PYGM: variants seen among roughly 807,000 people sequenced by gnomAD.
PYGM encodes the protein glycogen phosphorylase, muscle associated.
In PYGM, 81 loss-of-function variants were observed where a neutral mutation model predicts 99.3. The observed-to-expected ratio is 0.82, with a 90% CI of 0.68 to 0.98. The LOEUF is 0.98. Ranked by LOEUF, PYGM falls within the 50% of genes least tolerant of loss-of-function variation. The pLI, the probability that PYGM is intolerant of heterozygous loss-of-function variation, is 0.00. For synonymous variants in PYGM, 436 were observed against 451.5 expected, an observed-to-expected ratio of 0.97 and a Z score of 0.44; for missense variants, 1,030 against 1,158.1, an observed-to-expected ratio of 0.89 and a Z score of 1.61.
At chr11:64,757,223 AT>A (rs202029136) in intron 5 of PYGM, among the ~76,000 whole-genome samples, 1 of 151,454 alleles carries the variant, frequency 6.6e-6, no homozygotes, top group African/African-American at 2.4e-5. Flanking sequence ...GCCCCAGTCT[AT>A]TTTTTTTATT....
intron 11 of PYGM, 58 bp downstream of exon 11, chr11:64,753,460 AC>A: frequency 1.3e-6 from 2 of 1,522,776 alleles, no homozygotes. Context: ...CTTCTGTGTG[AC>A]AGAGGCGTGG....
Position 64,746,562 on chromosome 11 carries a change from A to G in PYGM, c.*97T>C. On this transcript the variant is annotated 3_prime_UTR_variant, in exon 20 of 20. Transcript: ENST00000164139. ...TGAGGGTTCCAGGAGGGGCTTAGAGATCTAACTCCAGTACCCCACCCTCTG... is the reference window on the plus strand; with the variant it reads ...TGAGGGTTCCAGGAGGGGCTTAGAGGTCTAACTCCAGTACCCCACCCTCTG... 2.0e-6 allele frequency: 3 copies of G among 1,519,706 alleles called. No individual in the cohort carries two copies. Among genetic ancestry groups the G allele is most frequent in the South Asian group, 1.1e-5 (1 of 89,256 alleles). 94.1% of individuals were successfully genotyped at this position (1,519,706 alleles called of 1,614,324 possible). A position where few individuals can be genotyped will look rare whatever the true frequency, so the allele number is the denominator to read the frequency against.
chr11:64,758,325 G>A lies in PYGM; in HGVS notation c.449C>T (p.Thr150Ile). Residue 150 changes from threonine to isoleucine, a missense_variant, in exon 4 of 20, where the codon ACA becomes ATA. Transcript: ENST00000164139. ...LAACFLDSMA[T>I]LGLAAYGYGI... ...GTAGCCATAGGCGGCCAGGCCCAGT[G>A]TTGCCATGGAGTCAAGAAAGCAGGC... 1.2e-6 allele frequency: 2 copies of A among 1,613,916 alleles called. No individual in the cohort carries two copies. The highest frequency in any genetic ancestry group is 1.7e-6 in the Non-Finnish European group (2 of 1,179,978).
Position 64,747,208 on chromosome 11 carries a change from G to C in PYGM, c.2312+16C>G. The C allele has an allele frequency of 1.9e-6, 3 of 1,613,702 alleles. No homozygotes were observed. The highest frequency in any genetic ancestry group is 2.5e-6 in the Non-Finnish European group (3 of 1,179,774). ...CTGCGGCCCCACCTGAGTGATTCCC[G>C]GGCCAACCAGCTCACCGGTCATGGT... On this transcript the variant is annotated intron_variant, in intron 18 of 19. Coordinates refer to ENST00000164139, the MANE Select transcript of PYGM (RefSeq NM_005609.4).
intron 13 of PYGM, 137 bp downstream of exon 13, chr11:64,752,264 CCA>C (rs1228397174): frequency 7.7e-7 from 1 of 1,304,546 alleles, no homozygotes; most frequent in Non-Finnish European, 1.1e-6. Flanking sequence ...TGCCTTCCCA[CCA>C]CAGACTCCAG....
In PYGM at chr11:64,753,076, A is replaced by G; in HGVS notation, c.1515T>C (p.Ala505=). ...TGGCCCTACGGTGGCCTCTCACCTCAGCAATGACCTCTGCCAGCCCGGGGT... is the reference window on the plus strand; with the variant it reads ...TGGCCCTACGGTGGCCTCTCACCTCGGCAATGACCTCTGCCAGCCCGGGGT... ...LCNPGLAEVI[A]ERIGEDFISD... Residue 505 remains alanine (A), a synonymous_variant, in exon 12 of 20, where the codon GCT becomes GCC. Coordinates refer to ENST00000164139, the MANE Select transcript of PYGM (RefSeq NM_005609.4). 6.2e-7 allele frequency: 1 copy of G among 1,609,720 alleles called. No individual in the cohort carries two copies. Among genetic ancestry groups the G allele is most frequent in the Non-Finnish European group, 8.5e-7 (1 of 1,176,084 alleles).
In PYGM at chr11:64,755,450, C is replaced by G; in HGVS notation, c.769G>C (p.Asp257His). ...AKAPNDFNLK[D>H]FNVGGYIQAV... is the part of the protein sequence containing the mutation. The stretch of plus-strand genomic sequence containing the variant: ...GGCTACCAGTGGATGAACTCACAGT[C>G]CTTGAGGTTGAAGTCATTGGGAGCC... Residue 257 changes from aspartate (D) to histidine (H), a missense_variant, in exon 6 of 20, where the codon GAC becomes CAC. Transcript: ENST00000164139. The surrounding 1 kb of genome is among the most constrained non-coding windows in gnomAD (Gnocchi z 4.1). 2 of 1,614,042 alleles carry G rather than the reference C, an allele frequency of 1.2e-6. No individual in the cohort carries two copies.
intron 16 of PYGM, chr11:64,751,052 C>T: frequency 2.4e-6 from 1 of 424,790 alleles, no homozygotes; most frequent in Non-Finnish European, 4.3e-6. Context: ...CCATCACGCC[C>T]AGCTAATTTT....
chr11:64,750,252 G>T (rs545340196), intron 17 of PYGM, 124 bp downstream of exon 17: 2 of 1,030,816 alleles, frequency 1.9e-6, no homozygotes, highest in Non-Finnish European at 1.5e-6. Flanking sequence ...CCAGAATCCT[G>T]CTGGCCATGA....
Position 64,751,355 on chromosome 11 carries a change from C to A in PYGM, c.1939G>T (p.Glu647Ter). 6.2e-7 allele frequency: 1 copy of A among 1,614,150 alleles called. No homozygotes were observed. The highest frequency in any genetic ancestry group is 1.1e-5 in the South Asian group (1 of 91,084). Residue 647 changes from glutamate (E) to a stop codon, truncating the protein, a stop_gained, in exon 16 of 20, where the codon GAG (glutamate) becomes TAG (stop). Transcript: ENST00000164139. LOFTEE classifies it high-confidence loss of function. Reference protein sequence around the residue: ...VGDRLRVIFLENYRVSLAEKV... With the variant: ...VGDRLRVIFL ...TCGGCCAGTGAGACTCGGTAGTTCT[C>A]CAGGAAGATGACACGGAGGCGGTCA...
chr11:64,747,184 T>G (rs373524958), intron 18 of PYGM, 40 bp downstream of exon 18: 1 of 1,611,018 alleles, frequency 6.2e-7, no homozygotes, highest in African/African-American at 1.3e-5. Context: ...CGATCTGCCC[T>G]GCGGCCCCAC....
chr11:64,751,106 G>A, intron 16 of PYGM: 1 of 582,728 alleles, frequency 1.7e-6, no homozygotes, highest in Non-Finnish European at 3.0e-6. Flanking sequence ...TGGCCAGGCT[G>A]GTCTCGAACT....
Position 64,752,303 on chromosome 11 carries a change from G to A in PYGM, c.1620+100C>T, listed in dbSNP as rs1013557230. On this transcript the variant is annotated intron_variant, in intron 13 of 19. Transcript: ENST00000164139. ...CAACTTCCACCAACGGCCTGGGCTG[G>A]CAGGAGAGATGAGCTCTATTTGCCA... 31 of 1,452,322 alleles carry A rather than the reference G, an allele frequency of 2.1e-5. 1 individual carries two copies. The South Asian group carries it at 3.4e-4, about 16-fold the overall frequency. 90.0% of individuals were successfully genotyped at this position (1,452,322 alleles called of 1,614,324 possible).
Position 64,758,032 on chromosome 11 carries a change from T to C in PYGM, c.529-122A>G, listed in dbSNP as rs555404721. The C allele has an allele frequency of 4.6e-5, 68 of 1,475,196 alleles. No homozygotes were observed. In the African/African-American group the frequency reaches 8.5e-4, roughly 18 times the overall value. The allele number at this position is 1,475,196 out of a possible 1,614,324, so 91.4% of individuals were successfully genotyped here. A position where few individuals can be genotyped will look rare whatever the true frequency, so the allele number is the denominator to read the frequency against. ...CCTACACCAAGTATAAGTCAGGAGC[T>C]CTGAGGTGGGCCCCTGGTCTGCTGG... On this transcript the variant is annotated intron_variant, in intron 4 of 19. Coordinates refer to ENST00000164139, the MANE Select transcript of PYGM (RefSeq NM_005609.4).
chr11:64,753,003 A>G (rs925173199), intron 12 of PYGM, 70 bp downstream of exon 12: 1 of 1,388,612 alleles, frequency 7.2e-7, no homozygotes, highest in African/African-American at 1.4e-5. Flanking sequence ...TGAACCACCT[A>G]CACGACCATA....
rs397514631 is a variant in PYGM, at chr11:64,759,747, T to C, written c.152A>G (p.Asp51Gly). ...VKDRNVATPR[D>G]YYFALAHTVR... ...GGTATGGGCCAGAGCAAAGTAGTAG[T>C]CTCGTGGGGTGGCCACATTGCGGTC... The change falls in exon 1 of 20, where the codon GAC becomes GGC. Residue 51 changes from aspartate to glycine, a missense_variant. Physicochemically the swap from Asp to Gly is moderately conservative, Grantham distance 94. Coordinates refer to ENST00000164139, the MANE Select transcript of PYGM (RefSeq NM_005609.4). The C allele has an allele frequency of 4.3e-6, 7 of 1,614,186 alleles. No homozygotes were observed. Among genetic ancestry groups the C allele is most frequent in the Non-Finnish European group, 5.9e-6 (7 of 1,180,014 alleles).
In PYGM at chr11:64,756,811, C is replaced by T. The variant is rs946498652; in HGVS notation, c.660+968G>A. Among the ~76,000 whole-genome samples the T allele has an allele frequency of 7.2e-5, 11 of 151,858 alleles. No homozygotes were observed. In the Middle Eastern group the frequency reaches 0.014, roughly 189 times the overall value. ...AGGTTTTCAGTTTTTGGTCTTTTTG[C>T]TTTTTGAAACAGTCTCACTCTGTCA... is the stretch of plus-strand genomic sequence containing the variant. On this transcript the variant is annotated intron_variant, in intron 5 of 19. Coordinates refer to ENST00000164139, the MANE Select transcript of PYGM (RefSeq NM_005609.4).
At chr11:64,752,688 C>A (rs2135831718) in intron 12 of PYGM, among the ~76,000 whole-genome samples, 184 bp from the exon 13 acceptor site, 1 of 152,242 alleles carries the variant, frequency 6.6e-6, no homozygotes, top group East Asian at 1.9e-4. Flanking sequence ...TCCTCCCCTC[C>A]CGTCCTTGAG....
At position 64,747,667 on chromosome 11, in the gene PYGM, A is replaced by C. The variant is rs1288826051; in HGVS notation, c.2178-309T>G. The C allele has an allele frequency of 2.5e-5, 10 of 406,114 alleles. No individual in the cohort carries two copies. The Admixed American group carries it at 3.6e-4, about 15-fold the overall frequency. 25.2% of individuals were successfully genotyped at this position (406,114 alleles called of 1,614,324 possible). A position where few individuals can be genotyped will look rare whatever the true frequency, so the allele number is the denominator to read the frequency against. On this transcript the variant is annotated intron_variant, in intron 17 of 19. Transcript: ENST00000164139. Reference sequence around the variant, plus strand: ...GTCTCTTAACCAGTTTGTTTGCTCCAAAATGGCTTTTCTCCTCCAGTAGCC... The same window carrying C: ...GTCTCTTAACCAGTTTGTTTGCTCCCAAATGGCTTTTCTCCTCCAGTAGCC...
Sources: allele counts gnomAD v4.1 joint callset (sites outside exome capture counted in the v4.1 genomes callset), GRCh38; gene constraint gnomAD v4.1.1; non-coding constraint Gnocchi (gnomAD v3.1); transcripts MANE v1.5; gene names NCBI Gene and HGNC (gene_info 2026-07-23, HGNC 2026-07-21).